Variants in DPP6 observed in about 807,000 individuals in gnomAD.
The protein encoded by DPP6 is A-type potassium channel modulatory protein DPP6.
In DPP6, 69 loss-of-function variants were observed where a neutral mutation model predicts 122.6. That is an observed-to-expected ratio of 0.56 (90% CI 0.46 to 0.69). The LOEUF (loss-of-function observed/expected upper bound fraction) is 0.69. DPP6 is among the 30% of genes least tolerant of loss of function. DPP6 has a pLI of 0.00. For missense variants in DPP6, 928 were observed against 1,116.9 expected (o/e 0.83, Z 2.41); for synonymous variants, 418 against 433.1 (o/e 0.97, Z 0.43).
intron 1 of DPP6, among the ~76,000 whole-genome samples, chr7:154,015,468 G>A (rs1563102096): frequency 6.6e-6 from 1 of 152,146 alleles, no homozygotes; most frequent in South Asian, 2.1e-4. Flanking sequence ...TTTTCAAAGT[G>A]CCCATCTGAC....
At chr7:154,548,359 C>T (rs565277345) in intron 4 of DPP6, among the ~76,000 whole-genome samples, 1 of 151,420 alleles carries the variant, frequency 6.6e-6, no homozygotes, top group Admixed American at 6.6e-5. Flanking sequence ...GGTTTAGGAG[C>T]TTGAAACCAG....
intron 1 of DPP6, among the ~76,000 whole-genome samples, chr7:154,075,455 A>C (rs976548612): frequency 2.0e-5 from 3 of 152,056 alleles, no homozygotes; most frequent in African/African-American, 7.2e-5. Context: ...GTATATATAC[A>C]CCATGGAATA....
rs200027993 is a variant in DPP6, at chr7:154,167,869, G to C, written c.243+114806G>C. 1.1e-4 allele frequency among the ~76,000 whole-genome samples: 17 copies of C among 152,234 alleles called. 1 individual carries two copies. In the East Asian group the frequency reaches 3.1e-3, roughly 28 times the overall value. ...TCCCTACAAAATGTCAGGCTCCCAG[G>C]CCTGCAGGCTCAGAGTGTATGCAGG... On this transcript the variant is annotated intron_variant, in intron 1 of 25. Transcript: ENST00000377770.
the DPP6 span, among the ~76,000 whole-genome samples, chr7:153,807,428 CAAAA>C: frequency 3.6e-5 from 5 of 137,464 alleles, no homozygotes; most frequent in African/African-American, 1.3e-4. Flanking sequence ...AACAAACAAA[CAAAA>C]AAAAAAACAA....
intron 1 of DPP6, among the ~76,000 whole-genome samples, chr7:154,030,914 A>G (rs1799192521): frequency 6.6e-6 from 1 of 152,064 alleles, no homozygotes. Context: ...AATACACAAA[A>G]TAACGTAAGC....
At chr7:154,706,219 G>T (rs2131285011) in intron 7 of DPP6, among the ~76,000 whole-genome samples, 1 of 152,286 alleles carries the variant, frequency 6.6e-6, no homozygotes, top group Non-Finnish European at 1.5e-5. Context: ...TGGCCCAGCT[G>T]CTGTGGCCTC....
At chr7:154,443,507 CATGGATGGATGG>C (rs67554140) in intron 1 of DPP6, among the ~76,000 whole-genome samples, 1 of 146,252 alleles carries the variant, frequency 6.8e-6, no homozygotes, top group Non-Finnish European at 1.5e-5. Flanking sequence ...TTGACAGATA[CATGGATGGATGG>C]ATGGATGGAT....
At chr7:154,161,053 C>T (rs563718821) in intron 1 of DPP6, among the ~76,000 whole-genome samples, 5 of 152,150 alleles carry the variant, frequency 3.3e-5, no homozygotes, top group Admixed American at 3.3e-4. Flanking sequence ...GTGCAGCTGT[C>T]CAGCACTGCA....
chr7:154,392,284 A>ACAAACAAG (rs1814693388), intron 1 of DPP6, among the ~76,000 whole-genome samples: 1 of 152,184 alleles, frequency 6.6e-6, no homozygotes, highest in African/African-American at 2.4e-5. Context: ...AAACAAACAA[A>ACAAACAAG]CAAACAACTG....
At chr7:154,176,370 G>C (rs1336476990) in intron 1 of DPP6, among the ~76,000 whole-genome samples, 2 of 152,204 alleles carry the variant, frequency 1.3e-5, no homozygotes, top group Non-Finnish European at 2.9e-5. Context: ...ACCCACTGCT[G>C]TGCTCCAGTG....
intron 6 of DPP6, among the ~76,000 whole-genome samples, chr7:154,641,650 A>G (rs1160678032): frequency 6.6e-6 from 1 of 152,236 alleles, no homozygotes; most frequent in Non-Finnish European, 1.5e-5. Flanking sequence ...ACACATATAC[A>G]TAATACACAC....
At chr7:154,236,508 T>C (rs570284278) in intron 1 of DPP6, among the ~76,000 whole-genome samples, 1 of 152,300 alleles carries the variant, frequency 6.6e-6, no homozygotes, top group East Asian at 1.9e-4. Context: ...GGATAATTTC[T>C]TAGCCCCTGA....
At chr7:154,184,008 G>T (rs1025797533) in intron 1 of DPP6, among the ~76,000 whole-genome samples, 1 of 152,158 alleles carries the variant, frequency 6.6e-6, no homozygotes, top group Non-Finnish European at 1.5e-5. Flanking sequence ...AGTGGATAAT[G>T]GCCAAATCTC....
intron 7 of DPP6, among the ~76,000 whole-genome samples, chr7:154,699,046 T>G (rs533582831): frequency 4.7e-4 from 72 of 152,188 alleles, no homozygotes; most frequent in African/African-American, 1.6e-3. Flanking sequence ...GGTTCCAAGA[T>G]CAGCCACCCA....
At chr7:154,179,307 A>G (rs903402328) in intron 1 of DPP6, among the ~76,000 whole-genome samples, 1 of 152,200 alleles carries the variant, frequency 6.6e-6, no homozygotes, top group East Asian at 1.9e-4. Flanking sequence ...TGCAGAACAA[A>G]GGACAAAATG....
At chr7:153,876,442 T>C in the DPP6 span, among the ~76,000 whole-genome samples, 173 of 151,846 alleles carry the variant, frequency 1.1e-3, no homozygotes, top group African/African-American at 4.0e-3. Context: ...TCACCAAGTA[T>C]AGGGATTGAA....
intron 1 of DPP6, among the ~76,000 whole-genome samples, chr7:154,163,677 C>G (rs566253658): frequency 6.6e-6 from 1 of 152,216 alleles, no homozygotes; most frequent in South Asian, 2.1e-4. Context: ...ATTATTTTTC[C>G]TATGGGGATG....
rs1803574499 is a variant in DPP6 at position 154,863,300 on chromosome 7, A to G, written c.1715-4695A>G. ...GGACAATATGATTTTAAGAAATGTA[A>G]TATTTAGCATCTTGGCCCCAAGATT... On this transcript the variant is annotated intron_variant, in intron 17 of 25. Coordinates refer to ENST00000377770, the MANE Select transcript of DPP6 (RefSeq NM_130797.4). The surrounding 1 kb of genome is among the most constrained non-coding windows in gnomAD (Gnocchi z 4.1). 7.0e-6 allele frequency among the ~76,000 whole-genome samples: 1 copy of G among 141,996 alleles called. No homozygotes were observed. The highest frequency in any genetic ancestry group is 2.1e-4 in the South Asian group (1 of 4,728). The allele number at this position is 141,996 out of a possible 152,430, so 93.2% of individuals were successfully genotyped here.
intron 10 of DPP6, among the ~76,000 whole-genome samples, chr7:154,777,197 A>G (rs998098611): frequency 6.6e-6 from 1 of 152,164 alleles, no homozygotes; most frequent in African/African-American, 2.4e-5. Context: ...CTCACATTCC[A>G]AGAGGCCTGG....
Sources: allele counts gnomAD v4.1 joint callset (sites outside exome capture counted in the v4.1 genomes callset), GRCh38; gene constraint gnomAD v4.1.1; non-coding constraint Gnocchi (gnomAD v3.1); transcripts MANE v1.5; gene names NCBI Gene and HGNC (gene_info 2026-07-23, HGNC 2026-07-21).